The following SEPTIN9 variants were observed in gnomAD, a reference collection of about 807,000 sequenced individuals.
The protein encoded by SEPTIN9 is septin-9.
In SEPTIN9, 13 loss-of-function variants were observed where a neutral mutation model predicts 56.6. That is an observed-to-expected ratio of 0.23 (90% confidence interval 0.15 to 0.37). SEPTIN9 has a LOEUF of 0.37. Ranked by LOEUF, SEPTIN9 falls within the 10% of genes least tolerant of loss-of-function variation. The pLI, the probability that SEPTIN9 is intolerant of heterozygous loss-of-function variation, is 1.00. For missense variants in SEPTIN9, 650 were observed against 823.1 expected, an observed-to-expected ratio of 0.79 and a Z score of 2.57; for synonymous variants, 332 against 334.1, an observed-to-expected ratio of 0.99 and a Z score of 0.07.
At chr17:77,477,977 G>A (rs561776685) in intron 3 of SEPTIN9, among the ~76,000 whole-genome samples, 1 of 152,198 alleles carries the variant, frequency 6.6e-6, no homozygotes, top group South Asian at 2.1e-4. Context: ...GGATCTCAAC[G>A]GGGCAGCTGC....
Position 77,497,352 on chromosome 17 carries a change from G to A in SEPTIN9, c.1611G>A (p.Arg537=), listed in dbSNP as rs1448458158. 1 of 1,613,830 alleles carries A rather than the reference G, an allele frequency of 6.2e-7. No individual in the cohort carries two copies. Among genetic ancestry groups the A allele is most frequent in the Non-Finnish European group, 8.5e-7 (1 of 1,179,808 alleles). The part of the protein sequence containing the change: ...NTTHCEFAYL[R]DLLIRTHMQN... ...CACACTGTGAGTTTGCCTACCTGCGGGACCTTCTCATCAGGTGAGAGACAG... is the reference window on the plus strand; with the variant it reads ...CACACTGTGAGTTTGCCTACCTGCGAGACCTTCTCATCAGGTGAGAGACAG... The change falls in exon 11 of 12, where the codon CGG becomes CGA. Residue 537 remains arginine (R), a synonymous_variant. Transcript: ENST00000427177.
Position 77,400,303 on chromosome 17 carries a change from G to T in SEPTIN9, c.77-1756G>T, listed in dbSNP as rs2035857328. On this transcript the variant is annotated intron_variant, in intron 2 of 11. Coordinates refer to ENST00000427177, the MANE Select transcript of SEPTIN9 (RefSeq NM_001113491.2). The surrounding 1 kb of genome is among the most constrained non-coding windows in gnomAD (Gnocchi z 4.1). Reference sequence around the variant, plus strand: ...TTGAGAAGTGAACAGCTCTGGCCACGCCGGGCCCATATCCTCTAGGGCAGT... The same window carrying T: ...TTGAGAAGTGAACAGCTCTGGCCACTCCGGGCCCATATCCTCTAGGGCAGT... Among the ~76,000 whole-genome samples the T allele has an allele frequency of 6.6e-6, 1 of 152,206 alleles. No homozygotes were observed. Among genetic ancestry groups the T allele is most frequent in the African/African-American group, 2.4e-5 (1 of 41,448 alleles).
chr17:77,326,084 A>C lies in SEPTIN9; in HGVS notation c.76+18887A>C, dbSNP rs1194824614. On this transcript the variant is annotated intron_variant, in intron 2 of 11. Transcript: ENST00000427177. This position sits in a 1 kb window ranked among gnomAD's most constrained non-coding sequence, Gnocchi z 5.1. ...CATCCTTATACAGCACCCCACACCC[A>C]CCTCCCCGCCTCCTACCCCTTCTTC... Among the ~76,000 whole-genome samples, 4 of 145,390 alleles carry C rather than the reference A, an allele frequency of 2.8e-5. No homozygotes were observed. Among genetic ancestry groups the C allele is most frequent in the East Asian group, 2.0e-4 (1 of 5,040 alleles).
At position 77,371,244 on chromosome 17, in the gene SEPTIN9, G is replaced by A. The variant is rs573265834; in HGVS notation, c.77-30815G>A. 7.2e-5 allele frequency among the ~76,000 whole-genome samples: 11 copies of A among 152,304 alleles called. No homozygotes were observed. The South Asian group carries it at 8.3e-4, about 11-fold the overall frequency. ...GCCGGTGGGCTCTGAGCACAGTCAC[G>A]AAGGCATGCGCACTTTCTGGCTGCT... On this transcript the variant is annotated intron_variant, in intron 2 of 11. Transcript: ENST00000427177. This position sits in a 1 kb window ranked among gnomAD's most constrained non-coding sequence, Gnocchi z 4.1.
At chr17:77,440,837 C>T (rs1393023525) in intron 3 of SEPTIN9, among the ~76,000 whole-genome samples, 1 of 152,242 alleles carries the variant, frequency 6.6e-6, no homozygotes, top group African/African-American at 2.4e-5. Flanking sequence ...AGCTGATCAG[C>T]GTGCAGCCAG....
chr17:77,402,559 C>G lies in SEPTIN9; in HGVS notation c.577C>G (p.Pro193Ala). 6.2e-7 allele frequency: 1 copy of G among 1,610,242 alleles called. No individual in the cohort carries two copies. The highest frequency in any genetic ancestry group is 8.5e-7 in the Non-Finnish European group (1 of 1,178,654). ...CCCCAAGAGGGTGGAGATCCAGATG[C>G]CCAAGCCTGCTGAGGCGCCCACCGC... ...AAPKRVEIQM[P>A]KPAEAPTAPS... The change falls in exon 3 of 12, where the codon CCC (proline) becomes GCC (alanine). Residue 193 changes from proline to alanine, a missense_variant. Pro to Ala is a conservative substitution (Grantham distance 27). This residue lies in a region of SEPTIN9 where 317 missense variants were observed against 329.1 expected (regional missense o/e 0.96). Transcript: ENST00000427177. This position sits in a 1 kb window ranked among gnomAD's most constrained non-coding sequence, Gnocchi z 6.6.
intron 2 of SEPTIN9, among the ~76,000 whole-genome samples, chr17:77,344,297 G>A (rs1305575410): frequency 4.6e-5 from 7 of 152,126 alleles, no homozygotes; most frequent in African/African-American, 9.7e-5. Context: ...GAAAATCAAA[G>A]CCACAATAAA....
chr17:77,340,260 C>A (rs2033685901), intron 2 of SEPTIN9, among the ~76,000 whole-genome samples: 3 of 152,052 alleles, frequency 2.0e-5, no homozygotes. Context: ...CCTGCCTCAG[C>A]CTCCCAAGTA....
At chr17:77,491,805 C>CAAAAAA (rs35233871) in intron 8 of SEPTIN9, among the ~76,000 whole-genome samples, 1 of 59,600 alleles carries the variant, frequency 1.7e-5, no homozygotes, top group Non-Finnish European at 3.2e-5. Flanking sequence ...GACTCCATCT[C>CAAAAAA]AAAAAAAAAA....
chr17:77,304,418 C>A (rs1598491441), intron 1 of SEPTIN9, among the ~76,000 whole-genome samples: 1 of 152,344 alleles, frequency 6.6e-6, no homozygotes, highest in African/African-American at 2.4e-5. Flanking sequence ...ACCGTTTCTC[C>A]ACCCCCATGC....
intron 2 of SEPTIN9, among the ~76,000 whole-genome samples, chr17:77,335,002 G>T (rs2033489113): frequency 6.6e-6 from 1 of 151,830 alleles, no homozygotes; most frequent in African/African-American, 2.4e-5. Context: ...CTGTATGTGT[G>T]GTCCTATATT....
intron 2 of SEPTIN9, among the ~76,000 whole-genome samples, chr17:77,346,278 C>CTTTTGTTTTTTTTTTTT (rs2033889730): frequency 2.2e-5 from 1 of 46,290 alleles, no homozygotes; most frequent in Non-Finnish European, 4.0e-5. Flanking sequence ...ATCCTTAGGT[C>CTTTTGTTTTTTTTTTTT]TTTTTTTTTT....
Position 77,475,408 on chromosome 17 carries a change from C to T in SEPTIN9, c.722-6736C>T. 1 of 1,460,772 alleles carries T rather than the reference C, an allele frequency of 6.8e-7. No homozygotes were observed. 90.5% of individuals were successfully genotyped at this position (1,460,772 alleles called of 1,614,324 possible). On this transcript the variant is annotated intron_variant, in intron 3 of 11. Transcript: ENST00000427177. This position sits in a 1 kb window ranked among gnomAD's most constrained non-coding sequence, Gnocchi z 4.6. Reference sequence around the variant, plus strand: ...GGAGAGGAGGAGGGAGCAGCCCTGGCCGGACACTGTCCTCCTAGCATTGCC... The same window carrying T: ...GGAGAGGAGGAGGGAGCAGCCCTGGTCGGACACTGTCCTCCTAGCATTGCC...
chr17:77,494,986 T>G (rs1374197336), intron 10 of SEPTIN9, among the ~76,000 whole-genome samples: 1 of 152,208 alleles, frequency 6.6e-6, no homozygotes, highest in African/African-American at 2.4e-5. Context: ...CTGCCTGCAG[T>G]TCCTCTCTTC....
chr17:77,405,099 G>C lies in SEPTIN9; in HGVS notation c.721+2396G>C. On this transcript the variant is annotated intron_variant, in intron 3 of 11. Transcript: ENST00000427177. The surrounding 1 kb of genome is among the most constrained non-coding windows in gnomAD (Gnocchi z 5.8). The stretch of plus-strand genomic sequence containing the variant: ...GCCATCTAAATCTCGGTGATGGCTG[G>C]TGCTGGATGCACAGGGACGTGGTCC... The C allele has an allele frequency of 6.5e-7, 1 of 1,535,494 alleles. No individual in the cohort carries two copies. The highest frequency in any genetic ancestry group is 8.7e-7 in the Non-Finnish European group (1 of 1,146,786).
chr17:77,402,464 C>G lies in SEPTIN9; in HGVS notation c.482C>G (p.Ala161Gly). The change falls in exon 3 of 12, where the codon GCC becomes GGC. Residue 161 changes from alanine to glycine, a missense_variant. Ala to Gly is a moderately conservative substitution (Grantham distance 60). This residue lies in a region of SEPTIN9 where 317 missense variants were observed against 329.1 expected (regional missense o/e 0.96). Coordinates refer to ENST00000427177, the MANE Select transcript of SEPTIN9 (RefSeq NM_001113491.2). The surrounding 1 kb of genome is among the most constrained non-coding windows in gnomAD (Gnocchi z 6.6). ...ACCATCGTCAAACCCCAGGAGTCAGCCCACCGGAGGATGGAGCCCCCTGCC... is the reference window on the plus strand; with the variant it reads ...ACCATCGTCAAACCCCAGGAGTCAGGCCACCGGAGGATGGAGCCCCCTGCC... ...EITIVKPQES[A>G]HRRMEPPASK... 1 of 1,609,022 alleles carries G rather than the reference C, an allele frequency of 6.2e-7. No homozygotes were observed. The highest frequency in any genetic ancestry group is 8.5e-7 in the Non-Finnish European group (1 of 1,178,082).
chr17:77,402,565 C>A lies in SEPTIN9; in HGVS notation c.583C>A (p.Pro195Thr), dbSNP rs979440363. 7 of 1,610,868 alleles carry A rather than the reference C, an allele frequency of 4.3e-6. No homozygotes were observed. In the East Asian group the frequency reaches 1.3e-4, roughly 31 times the overall value. ...PKRVEIQMPK[P>T]AEAPTAPSPA... Reference sequence around the variant, plus strand: ...GAGGGTGGAGATCCAGATGCCCAAGCCTGCTGAGGCGCCCACCGCCCCCAG... The same window carrying A: ...GAGGGTGGAGATCCAGATGCCCAAGACTGCTGAGGCGCCCACCGCCCCCAG... The change falls in exon 3 of 12, where the codon CCT becomes ACT. Residue 195 changes from proline to threonine, a missense_variant. Pro to Thr is a conservative substitution (Grantham distance 38). This residue lies in a region of SEPTIN9 where 317 missense variants were observed against 329.1 expected (regional missense o/e 0.96). Transcript: ENST00000427177. The surrounding 1 kb of genome is among the most constrained non-coding windows in gnomAD (Gnocchi z 6.6).
At chr17:77,497,965 G>A (rs1010880419) in intron 11 of SEPTIN9, among the ~76,000 whole-genome samples, 2 of 152,128 alleles carry the variant, frequency 1.3e-5, no homozygotes, top group Non-Finnish European at 2.9e-5. Flanking sequence ...GAGCCGTTCT[G>A]CCATTGTGGG....
chr17:77,428,996 G>A (rs312896), intron 3 of SEPTIN9: 35 of 471,104 alleles, frequency 7.4e-5, no homozygotes, highest in Non-Finnish European at 1.2e-4. Flanking sequence ...GTGGTAAGCC[G>A]TCAGAGGAGG....
Sources: allele counts gnomAD v4.1 joint callset (sites outside exome capture counted in the v4.1 genomes callset), GRCh38; gene constraint gnomAD v4.1.1; regional missense constraint gnomAD v4.1.1; non-coding constraint Gnocchi (gnomAD v3.1); transcripts MANE v1.5; gene names NCBI Gene and HGNC (gene_info 2026-07-23, HGNC 2026-07-21).